The following CAPN12 variants were observed in gnomAD, a reference collection of about 807,000 sequenced individuals.
CAPN12 encodes calpain 12.
Under a neutral mutation model 95.0 loss-of-function variants are expected in CAPN12, and 107 were observed. That is an observed-to-expected ratio of 1.13 (90% CI 0.96 to 1.32). The LOEUF is 1.32. CAPN12 is among the 40% of genes most tolerant of loss of function. The pLI, the probability that CAPN12 is intolerant of heterozygous loss-of-function variation, is 0.00. For missense variants in CAPN12, 1,136 were observed against 997.8 expected (o/e 1.14, Z -1.87); for synonymous variants, 505 against 415.5 (o/e 1.22, Z -2.62).
At position 38,744,094 on chromosome 19, in the gene CAPN12, C is replaced by T. The variant is rs757979607; in HGVS notation, c.72G>A (p.Leu24=). 2.4e-5 allele frequency: 38 copies of T among 1,614,054 alleles called. No individual in the cohort carries two copies. The highest frequency in any genetic ancestry group is 3.3e-5 in the Admixed American group (2 of 60,010). ...CATAGCTCTGGCCCCGAAAAAGCTG[C>T]AGGCGCCCGGCTCCGACCCCAGCCT... ...DEEAGVGAGR[L]QLFRGQSYEA... is the part of the protein sequence containing the mutation. Residue 24 remains leucine (L), a synonymous_variant, in exon 1 of 21, where the codon CTG becomes CTA. Transcript: ENST00000328867.
Position 38,740,126 on chromosome 19 carries a change from T to G in CAPN12, c.654A>C (p.Arg218Ser). 1 of 1,613,846 alleles carries G rather than the reference T, an allele frequency of 6.2e-7. No homozygotes were observed. The highest frequency in any genetic ancestry group is 8.5e-7 in the Non-Finnish European group (1 of 1,179,940). ...TGGVGEVLYL[R>S]QNSMGLFSAL... is the part of the protein sequence containing the mutation. ...CAGAGAACAGCCCCATGCTGTTTTG[T>G]CTCAGATAGAGCACCTCGCCCACGC... Residue 218 changes from arginine (R) to serine (S), a missense_variant, in exon 5 of 21, where the codon AGA becomes AGC. Arg to Ser is a moderately radical substitution (Grantham distance 110, BLOSUM62 -1). Transcript: ENST00000328867.
Position 38,742,477 on chromosome 19 carries a change from A to G in CAPN12, c.359T>C (p.Leu120Pro). The G allele has an allele frequency of 6.2e-7, 1 of 1,613,808 alleles. No homozygotes were observed. The highest frequency in any genetic ancestry group is 8.5e-7 in the Non-Finnish European group (1 of 1,179,854). Residue 120 changes from leucine to proline, a missense_variant, in exon 3 of 21, where the codon CTC becomes CCC. Coordinates refer to ENST00000328867, the MANE Select transcript of CAPN12 (RefSeq NM_144691.4). Reference sequence around the variant, plus strand: ...TCCAGGAGGGACCACCCGGCGCAGGAGCCGGGGATACAGAGTAAGGGAGGC... The same window carrying G: ...TCCAGGAGGGACCACCCGGCGCAGGGGCCGGGGATACAGAGTAAGGGAGGC... The part of the protein sequence containing the change: ...AAASLTLYPR[L>P]LRRVVPPGQD...
rs554161956 is a variant in CAPN12 at position 38,737,449 on chromosome 19, G to T, written c.1129+26C>A. 6.8e-6 allele frequency: 11 copies of T among 1,612,136 alleles called. No individual in the cohort carries two copies. The Admixed American group carries it at 1.2e-4, about 17-fold the overall frequency. On this transcript the variant is annotated intron_variant, in intron 9 of 20. Coordinates refer to ENST00000328867, the MANE Select transcript of CAPN12 (RefSeq NM_144691.4). ...GCCACAGCGCCCCCCACCCCAGGAAGCCTCTCAGGGCCCCTCAGGCCTCAC... is the reference window on the plus strand; with the variant it reads ...GCCACAGCGCCCCCCACCCCAGGAATCCTCTCAGGGCCCCTCAGGCCTCAC...
At position 38,734,334 on chromosome 19, in the gene CAPN12, C is replaced by T. The variant is rs1969856803; in HGVS notation, c.1800G>A (p.Leu600=). The T allele has an allele frequency of 2.5e-6, 4 of 1,608,048 alleles. No individual in the cohort carries two copies. Among genetic ancestry groups the T allele is most frequent in the African/African-American group, 1.3e-5 (1 of 74,834 alleles). Residue 600 remains leucine, a synonymous_variant, in exon 16 of 21, where the codon CTG becomes CTA. Transcript: ENST00000328867. ...CCCCATGTACCCCGAAACACTGCAGCAGCTGCTCACAGGTCCTGAGCCCGA... is the reference window on the plus strand; with the variant it reads ...CCCCATGTACCCCGAAACACTGCAGTAGCTGCTCACAGGTCCTGAGCCCGA... ...REIGLRTCEQ[L]LQCFGHGQSL...
Position 38,740,123 on chromosome 19 carries a change from T to A in CAPN12, c.657A>T (p.Gln219His). 2 of 1,613,752 alleles carry A rather than the reference T, an allele frequency of 1.2e-6. No homozygotes were observed. The highest frequency in any genetic ancestry group is 1.7e-6 in the Non-Finnish European group (2 of 1,179,914). Reference protein sequence around the residue: ...GGVGEVLYLRQNSMGLFSALR... With the variant: ...GGVGEVLYLRHNSMGLFSALR... ...GGGCAGAGAACAGCCCCATGCTGTT[T>A]TGTCTCAGATAGAGCACCTCGCCCA... The change falls in exon 5 of 21, where the codon CAA becomes CAT. Residue 219 changes from glutamine (Q) to histidine (H), a missense_variant. Transcript: ENST00000328867.
In CAPN12 at chr19:38,733,103, CT is replaced by C. The variant is rs1172061885; in HGVS notation, c.1957+599del. Reference sequence around the variant, plus strand: ...GACTCCTCACCACCCTGTGTACTAGCTTTTTTTTTTTTTTTTTGAGAGGCAG... The same window carrying C: ...GACTCCTCACCACCCTGTGTACTAGCTTTTTTTTTTTTTTTTGAGAGGCAG... On this transcript the variant is annotated intron_variant, in intron 18 of 20. Coordinates refer to ENST00000328867, the MANE Select transcript of CAPN12 (RefSeq NM_144691.4). 442 of 136,264 alleles carry C rather than the reference CT, an allele frequency of 3.2e-3. 2 individuals carry two copies. The highest frequency in any genetic ancestry group is 0.027 in the South Asian group (116 of 4,268). The allele number at this position is 136,264 out of a possible 1,614,324, so 8.4% of individuals were successfully genotyped here. A position where few individuals can be genotyped will look rare whatever the true frequency, so the allele number is the denominator to read the frequency against.
chr19:38,735,281 G>A, intron 14 of CAPN12, 89 bp downstream of exon 14: 2 of 1,316,904 alleles, frequency 1.5e-6, no homozygotes, highest in Non-Finnish European at 2.1e-6. Context: ...CAAGCAAAAT[G>A]AGACACCTGA....
chr19:38,737,779 A>C, intron 8 of CAPN12, 141 bp from the exon 9 acceptor site: 5 of 1,137,992 alleles, frequency 4.4e-6, no homozygotes, highest in East Asian at 2.8e-5. Flanking sequence ...ATGAACCCCA[A>C]ATGCCTGGGC....
Position 38,744,273 on chromosome 19 carries a change from G to A in CAPN12, c.-108C>T, listed in dbSNP as rs888972691. On this transcript the variant is annotated 5_prime_UTR_variant, in exon 1 of 21. Coordinates refer to ENST00000328867, the MANE Select transcript of CAPN12 (RefSeq NM_144691.4). ...CAGTGGGGTCTTTAGGCAATGAGGAGCCTTCCCTCGTTAATATTAATTGAT... is the reference window on the plus strand; with the variant it reads ...CAGTGGGGTCTTTAGGCAATGAGGAACCTTCCCTCGTTAATATTAATTGAT... 1.9e-5 allele frequency: 19 copies of A among 1,005,518 alleles called. No individual in the cohort carries two copies. Among genetic ancestry groups the A allele is most frequent in the South Asian group, 6.8e-5 (5 of 73,670 alleles). 62.3% of individuals were successfully genotyped at this position (1,005,518 alleles called of 1,614,324 possible). A position where few individuals can be genotyped will look rare whatever the true frequency, so the allele number is the denominator to read the frequency against.
Position 38,733,731 on chromosome 19 carries a change from G to C in CAPN12, c.1929C>G (p.Tyr643Ter), listed in dbSNP as rs150655757. The C allele has an allele frequency of 1.2e-6, 2 of 1,613,554 alleles. No homozygotes were observed. The highest frequency in any genetic ancestry group is 1.7e-6 in the Non-Finnish European group (2 of 1,179,970). ...DEDTSGTMNS[Y>*]ELRLALNAAG... is the part of the protein sequence containing the mutation. The stretch of plus-strand genomic sequence containing the variant: ...CTGCATTCAGTGCCAGCCTCAGCTC[G>C]TAGGAGTTCATGGTTCCAGAGGTGT... Residue 643 changes from tyrosine (Y) to a stop codon, truncating the protein, a stop_gained, in exon 18 of 21, where the codon TAC (tyrosine) becomes TAG (stop). Transcript: ENST00000328867. LOFTEE classifies it high-confidence loss of function.
rs1011027897 is a variant in CAPN12 at position 38,744,264 on chromosome 19, C to T, written c.-99G>A. The T allele has an allele frequency of 1.8e-6, 2 of 1,092,580 alleles. No homozygotes were observed. Among genetic ancestry groups the T allele is most frequent in the Admixed American group, 3.6e-5 (2 of 55,732 alleles). 67.7% of individuals were successfully genotyped at this position (1,092,580 alleles called of 1,614,324 possible). A position where few individuals can be genotyped will look rare whatever the true frequency, so the allele number is the denominator to read the frequency against. On this transcript the variant is annotated 5_prime_UTR_variant, in exon 1 of 21. Coordinates refer to ENST00000328867, the MANE Select transcript of CAPN12 (RefSeq NM_144691.4). ...TTGGAGCCCCAGTGGGGTCTTTAGG[C>T]AATGAGGAGCCTTCCCTCGTTAATA...
chr19:38,738,612 C>T lies in CAPN12; in HGVS notation c.766G>A (p.Val256Ile). Residue 256 changes from valine to isoleucine, a missense_variant, in exon 6 of 21, where the codon GTA becomes ATA. Coordinates refer to ENST00000328867, the MANE Select transcript of CAPN12 (RefSeq NM_144691.4). ...RGEYRTEEGL[V>I]KGHAYSITGT... Reference sequence around the variant, plus strand: ...GTGATGGAATACGCGTGTCCCTTTACCAGGCCCTCTTCTGTGCGGTACTCA... The same window carrying T: ...GTGATGGAATACGCGTGTCCCTTTATCAGGCCCTCTTCTGTGCGGTACTCA... 1 of 1,614,044 alleles carries T rather than the reference C, an allele frequency of 6.2e-7. No individual in the cohort carries two copies. Among genetic ancestry groups the T allele is most frequent in the Non-Finnish European group, 8.5e-7 (1 of 1,180,032 alleles).
Position 38,736,699 on chromosome 19 carries a change from CCGCAGTCCCCGACCCAGGCCCT to C in CAPN12, c.1363-158_1363-137del, listed in dbSNP as rs1301493638. 8.1e-6 allele frequency: 9 copies of C among 1,113,954 alleles called. 1 individual carries two copies. Among genetic ancestry groups the C allele is most frequent in the African/African-American group, 6.3e-5 (4 of 63,204 alleles). 69.0% of individuals were successfully genotyped at this position (1,113,954 alleles called of 1,614,324 possible). On this transcript the variant is annotated intron_variant, in intron 10 of 20. Coordinates refer to ENST00000328867, the MANE Select transcript of CAPN12 (RefSeq NM_144691.4). ...ATTAGACCCTTATTGAACCTTTGCCCCGCAGTCCCCGACCCAGGCCCTCGCCGACCCCTCCCCAACTCTTCCT... is the reference window on the plus strand; with the variant it reads ...ATTAGACCCTTATTGAACCTTTGCCCCGCCGACCCCTCCCCAACTCTTCCT...
chr19:38,738,616 G>T lies in CAPN12; in HGVS notation c.762C>A (p.Gly254=). 1 of 1,614,026 alleles carries T rather than the reference G, an allele frequency of 6.2e-7. No homozygotes were observed. Among genetic ancestry groups the T allele is most frequent in the Non-Finnish European group, 8.5e-7 (1 of 1,180,034 alleles). The change falls in exon 6 of 21, where the codon GGC becomes GGA. Residue 254 remains glycine, a synonymous_variant. Transcript: ENST00000328867. ...TGGAATACGCGTGTCCCTTTACCAGGCCCTCTTCTGTGCGGTACTCACCCC... is the reference window on the plus strand; with the variant it reads ...TGGAATACGCGTGTCCCTTTACCAGTCCCTCTTCTGTGCGGTACTCACCCC... ...SDRGEYRTEE[G]LVKGHAYSIT...
intron 11 of CAPN12, 34 bp from the exon 12 acceptor site, chr19:38,736,352 T>C (rs899261951): frequency 3.6e-5 from 52 of 1,461,234 alleles, no homozygotes; most frequent in Admixed American, 2.4e-5. Context: ...CGGACCAGGC[T>C]CACCCCCGGC....
Position 38,743,806 on chromosome 19 carries a change from G to C in CAPN12, c.237+123C>G, listed in dbSNP as rs868223592. 6 of 832,164 alleles carry C rather than the reference G, an allele frequency of 7.2e-6. No homozygotes were observed. In the South Asian group the frequency reaches 8.5e-5, roughly 12 times the overall value. 51.5% of individuals were successfully genotyped at this position (832,164 alleles called of 1,614,324 possible). A position where few individuals can be genotyped will look rare whatever the true frequency, so the allele number is the denominator to read the frequency against. On this transcript the variant is annotated intron_variant, in intron 1 of 20. Transcript: ENST00000328867. ...CCTCAGACCTAAGAGTCCAGGTCTC[G>C]AGCCCCTCCTCCCTCAGACCAGGGA... is the stretch of plus-strand genomic sequence containing the variant.
intron 10 of CAPN12, 66 bp downstream of exon 10, chr19:38,737,090 C>G: frequency 1.5e-6 from 2 of 1,308,994 alleles, no homozygotes; most frequent in Non-Finnish European, 2.1e-6. Context: ...TCCCCCGCTC[C>G]TTGGCCCGGC....
chr19:38,739,921 T>C (rs2145244229), intron 5 of CAPN12, 130 bp downstream of exon 5: 2 of 954,378 alleles, frequency 2.1e-6, no homozygotes, highest in Non-Finnish European at 2.9e-6. Context: ...TTTTGACTAG[T>C]TAGATTTATG....
rs1179104529 is a variant in CAPN12 at position 38,730,889 on chromosome 19, G to A, written c.2134-11C>T. On this transcript the variant is annotated splice_polypyrimidine_tract_variant and intron_variant, in intron 20 of 20. Transcript: ENST00000328867. Reference sequence around the variant, plus strand: ...GGCCACCTCCATCCACTAAGGAAGAGAAGGAAGACAGTGGCTTGAGGCAGG... The same window carrying A: ...GGCCACCTCCATCCACTAAGGAAGAAAAGGAAGACAGTGGCTTGAGGCAGG... 6.4e-6 allele frequency: 10 copies of A among 1,551,630 alleles called. No individual in the cohort carries two copies. The highest frequency in any genetic ancestry group is 2.0e-5 in the Admixed American group (1 of 51,046).
Sources: gnomAD v4.1 joint callset for allele counts on GRCh38, gnomAD v4.1.1 for gene constraint, MANE v1.5 for transcripts, NCBI Gene and HGNC (gene_info 2026-07-23, HGNC 2026-07-21) for gene names.